CORO2B: variants seen among roughly 807,000 people sequenced by gnomAD.
The protein encoded by CORO2B is coronin 2B.
Under a neutral mutation model 58.8 loss-of-function variants are expected in CORO2B, and 26 were observed. That is an observed-to-expected ratio of 0.44 (90% CI 0.32 to 0.61). The LOEUF (loss-of-function observed/expected upper bound fraction) is 0.61. Among genes scored for constraint, CORO2B ranks in the 20% least tolerant of loss-of-function variants. The pLI, the probability that CORO2B is intolerant of heterozygous loss-of-function variation, is 0.04. For synonymous variants in CORO2B, 242 were observed against 253.8 expected, an observed-to-expected ratio of 0.95 and a Z score of 0.44; for missense variants, 460 against 645.1, an observed-to-expected ratio of 0.71 and a Z score of 3.11.
chr15:68,610,565 G>GCC (rs1195059712), intron 1 of CORO2B, among the ~76,000 whole-genome samples: 1 of 151,700 alleles, frequency 6.6e-6, no homozygotes, highest in Non-Finnish European at 1.5e-5. Flanking sequence ...CCATCACAAA[G>GCC]CCCCTCCTCC....
the CORO2B span, among the ~76,000 whole-genome samples, chr15:68,528,398 T>C: frequency 1.3e-5 from 2 of 152,292 alleles, no homozygotes; most frequent in Non-Finnish European, 2.9e-5. Context: ...TTGAGATGGA[T>C]ATATGGTTTT....
At chr15:68,606,917 T>C (rs1478920902) in intron 1 of CORO2B, among the ~76,000 whole-genome samples, 1 of 152,148 alleles carries the variant, frequency 6.6e-6, no homozygotes, top group African/African-American at 2.4e-5. Flanking sequence ...CTCCATTGAC[T>C]GTGGATTGAC....
intron 2 of CORO2B, among the ~76,000 whole-genome samples, chr15:68,647,164 A>T (rs1901460272): frequency 1.3e-5 from 2 of 152,240 alleles, no homozygotes; most frequent in African/African-American, 4.8e-5. Context: ...AATGGAGTGC[A>T]TGTTTAAAAT....
the CORO2B span, among the ~76,000 whole-genome samples, chr15:68,541,185 A>C: frequency 5.9e-5 from 9 of 152,196 alleles, no homozygotes; most frequent in African/African-American, 2.2e-4. Flanking sequence ...CAGTGAGTCA[A>C]AATGGTGCCA....
At chr15:68,558,940 G>T in the CORO2B span, among the ~76,000 whole-genome samples, 1 of 152,070 alleles carries the variant, frequency 6.6e-6, no homozygotes, top group African/African-American at 2.4e-5. Flanking sequence ...ATGCGATAGT[G>T]GGTGAAGAGG....
At chr15:68,543,084 C>A in the CORO2B span, among the ~76,000 whole-genome samples, 27 of 152,178 alleles carry the variant, frequency 1.8e-4, no homozygotes, top group Admixed American at 1.6e-3. Flanking sequence ...GTTAGACTGA[C>A]GGAGACAACT....
the CORO2B span, among the ~76,000 whole-genome samples, chr15:68,557,244 C>T: frequency 6.6e-6 from 1 of 152,170 alleles, no homozygotes; most frequent in Admixed American, 6.5e-5. Context: ...TTGAACACAA[C>T]CTTGGAAGGG....
the CORO2B span, among the ~76,000 whole-genome samples, chr15:68,519,442 T>C: frequency 3.9e-5 from 6 of 152,206 alleles, no homozygotes; most frequent in Non-Finnish European, 1.5e-5. Context: ...ACCCCAAAGC[T>C]CTAGGCAGTC....
the CORO2B span, among the ~76,000 whole-genome samples, chr15:68,571,925 G>A: frequency 6.6e-6 from 1 of 152,232 alleles, no homozygotes; most frequent in East Asian, 1.9e-4. Context: ...TGTAACCGGG[G>A]TGGTGGTGGT....
intron 1 of CORO2B, among the ~76,000 whole-genome samples, chr15:68,589,173 T>A (rs1371826940): frequency 2.0e-5 from 3 of 152,174 alleles, no homozygotes; most frequent in African/African-American, 7.2e-5. Flanking sequence ...ATCCTTGGAG[T>A]TCCTGTAGCA....
the CORO2B span, among the ~76,000 whole-genome samples, chr15:68,573,614 G>C: frequency 8.4e-4 from 128 of 152,270 alleles, no homozygotes; most frequent in African/African-American, 2.9e-3. Context: ...TGAGGCATGT[G>C]GTGGGGGACA....
chr15:68,671,115 G>A (rs970933842), intron 2 of CORO2B, among the ~76,000 whole-genome samples: 5 of 152,140 alleles, frequency 3.3e-5, no homozygotes, highest in Admixed American at 6.5e-5. Context: ...CAACGCAGCC[G>A]TGAAAATCAT....
intron 11 of CORO2B, among the ~76,000 whole-genome samples, chr15:68,720,964 G>A (rs1893145891): frequency 6.6e-6 from 1 of 152,150 alleles, no homozygotes; most frequent in Non-Finnish European, 1.5e-5. Context: ...TCAGCTCACT[G>A]CAACCTATGC....
chr15:68,555,400 G>A, the CORO2B span, among the ~76,000 whole-genome samples: 13 of 152,270 alleles, frequency 8.5e-5, no homozygotes, highest in African/African-American at 3.1e-4. Flanking sequence ...CCACTCAAGG[G>A]GACCCAAACC....
At chr15:68,603,598 G>A (rs1403251247) in intron 1 of CORO2B, among the ~76,000 whole-genome samples, 1 of 152,040 alleles carries the variant, frequency 6.6e-6, no homozygotes, top group African/African-American at 2.4e-5. Flanking sequence ...ATAATTCAGG[G>A]TAAATGAGGT....
chr15:68,670,199 G>A (rs1902341984), intron 2 of CORO2B, among the ~76,000 whole-genome samples: 1 of 152,162 alleles, frequency 6.6e-6, no homozygotes. Flanking sequence ...TTTTGAGACA[G>A]GATCTGGCTT....
intron 2 of CORO2B, among the ~76,000 whole-genome samples, chr15:68,656,176 C>A (rs1445012763): frequency 1.8e-5 from 2 of 113,424 alleles, no homozygotes; most frequent in Non-Finnish European, 3.6e-5. Flanking sequence ...CCGTCCCCCC[C>A]GCCCCCCGAC....
At chr15:68,687,733 G>A (rs1473740866) in intron 2 of CORO2B, among the ~76,000 whole-genome samples, 5 of 152,250 alleles carry the variant, frequency 3.3e-5, no homozygotes, top group African/African-American at 9.6e-5. Context: ...CAAAGAGCAC[G>A]ATGCAGGCAT....
the CORO2B span, among the ~76,000 whole-genome samples, chr15:68,550,845 G>T: frequency 6.7e-6 from 1 of 149,872 alleles, no homozygotes; most frequent in African/African-American, 2.5e-5. Context: ...GACTAAAATG[G>T]CTGTACTGTG....
Sources: gnomAD v4.1 joint callset for allele counts (sites outside exome capture counted in the v4.1 genomes callset) on GRCh38, gnomAD v4.1.1 for gene constraint, MANE v1.5 for transcripts, NCBI Gene and HGNC (gene_info 2026-07-23, HGNC 2026-07-21) for gene names.